The following EPS8 variants were observed in gnomAD, a reference collection of about 807,000 sequenced individuals.
EPS8 encodes the protein EGFR pathway substrate 8, signaling adaptor, also known as epidermal growth factor receptor kinase substrate 8.
EPS8 carries 42 observed loss-of-function variants against 103.8 expected under a neutral mutation model. That is an observed-to-expected ratio of 0.40 (90% CI 0.32 to 0.52). The LOEUF (loss-of-function observed/expected upper bound fraction) is 0.52, where lower values mean the gene tolerates loss of function less well. Ranked by LOEUF, EPS8 falls within the 20% of genes least tolerant of loss-of-function variation. EPS8 has a pLI of 0.40. For missense variants in EPS8, 969 were observed against 1,005.1 expected (o/e 0.96, Z 0.49); for synonymous variants, 344 against 344.6 (o/e 1.00, Z 0.02).
intron 13 of EPS8, among the ~76,000 whole-genome samples, chr12:15,652,375 T>C (rs1436283126): frequency 6.6e-6 from 1 of 152,150 alleles, no homozygotes. Context: ...CAGTGTTAGA[T>C]AGATCAGTAA....
intron 1 of EPS8, among the ~76,000 whole-genome samples, chr12:15,737,781 CT>C (rs925876954): frequency 5.9e-5 from 9 of 151,882 alleles, no homozygotes; most frequent in East Asian, 1.9e-4. Flanking sequence ...ATCCTAGTGA[CT>C]TTTTTTTAAA....
At chr12:15,744,177 G>A (rs549320921) in intron 1 of EPS8, among the ~76,000 whole-genome samples, 1 of 152,294 alleles carries the variant, frequency 6.6e-6, no homozygotes, top group South Asian at 2.1e-4. Context: ...ATCATCACTG[G>A]CCATCAGAGA....
Position 15,681,316 on chromosome 12 carries a change from A to AATAATG in EPS8, c.60-15_60-14insCATTAT. On this transcript the variant is annotated splice_polypyrimidine_tract_variant and intron_variant, in intron 2 of 20. Transcript: ENST00000281172. ...GATCCGTAGCCACTGTAATAATAATAATAATAATAATAATAATAATATAAA... is the reference window on the plus strand; with the variant it reads ...GATCCGTAGCCACTGTAATAATAATAATAATGATAATAATAATAATAATAATATAAA... 1 of 985,024 alleles carries AATAATG rather than the reference A, an allele frequency of 1.0e-6. No individual in the cohort carries two copies. Among genetic ancestry groups the AATAATG allele is most frequent in the Non-Finnish European group, 1.4e-6 (1 of 734,882 alleles). 61.0% of individuals were successfully genotyped at this position (985,024 alleles called of 1,614,324 possible). A position where few individuals can be genotyped will look rare whatever the true frequency, so the allele number is the denominator to read the frequency against.
chr12:15,741,525 T>C (rs1321619168), intron 1 of EPS8, among the ~76,000 whole-genome samples: 1 of 152,188 alleles, frequency 6.6e-6, no homozygotes, highest in Non-Finnish European at 1.5e-5. Context: ...ATTTTGTTCT[T>C]GGCCCTGCAA....
chr12:15,704,579 G>A lies in EPS8; in HGVS notation c.-21-21607C>T, dbSNP rs901834927. 6.6e-6 allele frequency among the ~76,000 whole-genome samples: 1 copy of A among 152,164 alleles called. No individual in the cohort carries two copies. The highest frequency in any genetic ancestry group is 2.4e-5 in the African/African-American group (1 of 41,442). Reference sequence around the variant, plus strand: ...GTGGCTGCCAGGGGCTGTGGAAGGTGGAGAATGGGTAGTTATTGTTTTGGG... The same window carrying A: ...GTGGCTGCCAGGGGCTGTGGAAGGTAGAGAATGGGTAGTTATTGTTTTGGG... On this transcript the variant is annotated intron_variant, in intron 1 of 20. Coordinates refer to ENST00000281172, the MANE Select transcript of EPS8 (RefSeq NM_004447.6). This position sits in a 1 kb window ranked among gnomAD's most constrained non-coding sequence, Gnocchi z 4.6.
intron 3 of EPS8, among the ~76,000 whole-genome samples, chr12:15,674,916 G>C (rs1945877760): frequency 6.6e-6 from 1 of 152,108 alleles, no homozygotes; most frequent in South Asian, 2.1e-4. Flanking sequence ...ATGGGCAAAA[G>C]AGAAACAGGT....
At chr12:15,754,837 C>A (rs1591921747) in intron 1 of EPS8, among the ~76,000 whole-genome samples, 1 of 152,214 alleles carries the variant, frequency 6.6e-6, no homozygotes, top group East Asian at 1.9e-4. Flanking sequence ...ACTGGCTGAG[C>A]AATGTGTGCT....
rs577790263 is a variant in EPS8, at chr12:15,666,447, C to T, written c.592G>A (p.Ala198Thr). 6.9e-5 allele frequency: 111 copies of T among 1,612,170 alleles called. No individual in the cohort carries two copies. The highest frequency in any genetic ancestry group is 1.9e-4 in the African/African-American group (14 of 75,014). ...TTCTTTCAATGCTTTTACCTCAGGG[C>T]GTCGGGCCGCCTCTTCTGTTTCCCT... is the stretch of plus-strand genomic sequence containing the variant. ...KGGKQKRRPD[A>T]LRMISNADPS... The change falls in exon 7 of 21, where the codon GCC becomes ACC. Residue 198 changes from alanine (A) to threonine (T), a missense_variant. By Grantham distance (58) the Ala-to-Thr change is moderately conservative (BLOSUM62 0). Transcript: ENST00000281172.
At chr12:15,654,684 C>A (rs1000320274) in intron 12 of EPS8, among the ~76,000 whole-genome samples, 1 of 151,986 alleles carries the variant, frequency 6.6e-6, no homozygotes, top group Admixed American at 6.6e-5. Context: ...TTGAAAAATG[C>A]GGTTCCCGAA....
At chr12:15,624,526 C>T (rs1944913488) in intron 18 of EPS8, 119 bp from the exon 19 acceptor site, 1 of 649,040 alleles carries the variant, frequency 1.5e-6, no homozygotes, top group African/African-American at 1.9e-5. Flanking sequence ...GTGTTCCTAC[C>T]ATCTTTCCTC....
At chr12:15,687,458 A>C (rs1005144061) in intron 1 of EPS8, among the ~76,000 whole-genome samples, 1 of 152,160 alleles carries the variant, frequency 6.6e-6, no homozygotes, top group Non-Finnish European at 1.5e-5. Context: ...AACACAATAA[A>C]ATCACTTAAA....
At chr12:15,658,955 T>TA (rs1945556161) in intron 10 of EPS8, among the ~76,000 whole-genome samples, 1 of 152,128 alleles carries the variant, frequency 6.6e-6, no homozygotes, top group South Asian at 2.1e-4. Flanking sequence ...AGAAGAGACT[T>TA]ACCTGGTTGG....
At chr12:15,678,237 C>T (rs1341271064) in intron 3 of EPS8, among the ~76,000 whole-genome samples, 3 of 152,036 alleles carry the variant, frequency 2.0e-5, no homozygotes, top group Admixed American at 2.0e-4. Context: ...CATATTTCTC[C>T]CTTGTCATCC....
intron 3 of EPS8, among the ~76,000 whole-genome samples, chr12:15,676,409 C>T (rs1945909052): frequency 6.6e-6 from 1 of 151,912 alleles, no homozygotes; most frequent in South Asian, 2.1e-4. Flanking sequence ...AAGGGACAGG[C>T]TTGAGACCCA....
At chr12:15,774,135 TA>T (rs1947182918) in intron 1 of EPS8, among the ~76,000 whole-genome samples, 1 of 151,934 alleles carries the variant, frequency 6.6e-6, no homozygotes, top group Non-Finnish European at 1.5e-5. Context: ...AACTAATTTT[TA>T]GCGTGTCATC....
At chr12:15,643,074 T>C (rs1230858176) in intron 15 of EPS8, among the ~76,000 whole-genome samples, 2 of 152,232 alleles carry the variant, frequency 1.3e-5, no homozygotes, top group African/African-American at 4.8e-5. Flanking sequence ...TCCCTATCCC[T>C]ACTGGAATAG....
intron 1 of EPS8, among the ~76,000 whole-genome samples, chr12:15,712,256 T>C (rs1287455754): frequency 6.6e-6 from 1 of 152,136 alleles, no homozygotes; most frequent in Non-Finnish European, 1.5e-5. Flanking sequence ...AAAAAAACTT[T>C]AAATACACAT....
intron 19 of EPS8, among the ~76,000 whole-genome samples, chr12:15,623,864 T>C (rs563420030): frequency 1.3e-5 from 2 of 152,332 alleles, no homozygotes; most frequent in East Asian, 3.9e-4. Flanking sequence ...GGAAAGCTTA[T>C]GCTCTATGTC....
rs1280702338 is a variant in EPS8, at chr12:15,733,371, T to C, written c.-21-50399A>G. ...CTCACTCTCTATCGTGAGAACAGCA[T>C]GGGGAAAACCATTCCCATGATCCAA... On this transcript the variant is annotated intron_variant, in intron 1 of 20. Transcript: ENST00000281172. This position sits in a 1 kb window ranked among gnomAD's most constrained non-coding sequence, Gnocchi z 4.8. Among the ~76,000 whole-genome samples the C allele has an allele frequency of 6.6e-6, 1 of 152,114 alleles. No homozygotes were observed. Among genetic ancestry groups the C allele is most frequent in the Non-Finnish European group, 1.5e-5 (1 of 68,022 alleles).
Sources: gnomAD v4.1 joint callset for allele counts (sites outside exome capture counted in the v4.1 genomes callset) on GRCh38, gnomAD v4.1.1 for gene constraint, Gnocchi (gnomAD v3.1) non-coding constraint, MANE v1.5 for transcripts, NCBI Gene and HGNC (gene_info 2026-07-23, HGNC 2026-07-21) for gene names.